The following NLRP7 variants were observed in gnomAD, a reference collection of about 807,000 sequenced individuals.
The protein encoded by NLRP7 is NLR family pyrin domain containing 7.
Under a neutral mutation model 85.5 loss-of-function variants are expected in NLRP7, and 72 were observed. The ratio of observed to expected loss-of-function variants is 0.84; its 90% CI spans 0.70 to 1.02. NLRP7 has a LOEUF of 1.02. NLRP7 is among the 50% of genes least tolerant of loss of function. NLRP7 has a pLI of 0.00. For missense variants in NLRP7, 1,243 were observed against 1,219.5 expected (o/e 1.02, Z -0.29); for synonymous variants, 550 against 505.2 (o/e 1.09, Z -1.19).
In NLRP7 at chr19:54,941,364, A is replaced by G. The variant is rs371146594; in HGVS notation, c.277+71T>C. The G allele has an allele frequency of 2.9e-4, 329 of 1,138,690 alleles. 2 individuals carry two copies. In the East Asian group the frequency reaches 6.6e-3, roughly 23 times the overall value. 70.5% of individuals were successfully genotyped at this position (1,138,690 alleles called of 1,614,324 possible). A position where few individuals can be genotyped will look rare whatever the true frequency, so the allele number is the denominator to read the frequency against. Reference sequence around the variant, plus strand: ...AGCCTTACACTCCAGCCTGGGCGACAGAACGAGACTCCATCTCAAAAAAAA... The same window carrying G: ...AGCCTTACACTCCAGCCTGGGCGACGGAACGAGACTCCATCTCAAAAAAAA... On this transcript the variant is annotated intron_variant, in intron 2 of 9. Coordinates refer to ENST00000340844, the Ensembl canonical transcript of NLRP7.
intron 1 of NLRP7, among the ~76,000 whole-genome samples, chr19:54,952,964 C>A (rs945443753): frequency 2.6e-5 from 4 of 151,992 alleles, no homozygotes; most frequent in African/African-American, 9.7e-5. Flanking sequence ...GGTGAAACCC[C>A]GTCTCTACTG....
At chr19:54,945,238 CAA>C (rs75770706) in intron 1 of NLRP7, among the ~76,000 whole-genome samples, 11 of 69,680 alleles carry the variant, frequency 1.6e-4, no homozygotes, top group Admixed American at 3.6e-4. Context: ...GACTCCCTCT[CAA>C]AAAAAAAAAA....
chr19:54,940,884 A>G, intron 3 of NLRP7, 47 bp downstream of exon 3: 1 of 1,133,692 alleles, frequency 8.8e-7, no homozygotes, highest in Non-Finnish European at 1.3e-6. Context: ...TGCACCTTGC[A>G]TGCTCTCAAA....
chr19:54,936,259 A>C lies in NLRP7; in HGVS notation c.2300+2T>G. On this transcript the variant is annotated splice_donor_variant, in intron 6 of 9. Transcript: ENST00000340844. LOFTEE classifies it high-confidence loss of function. ...GGGGAGAGCCGTGACCGTGAGACCCACCTCAGGTACTGCAGGTTGCATTTA... is the reference window on the plus strand; with the variant it reads ...GGGGAGAGCCGTGACCGTGAGACCCCCCTCAGGTACTGCAGGTTGCATTTA... 1 of 1,612,524 alleles carries C rather than the reference A, an allele frequency of 6.2e-7. No individual in the cohort carries two copies. Among genetic ancestry groups the C allele is most frequent in the Non-Finnish European group, 8.5e-7 (1 of 1,179,674 alleles).
At chr19:54,930,395 G>A (rs943791243) in intron 9 of NLRP7, 104 bp downstream of exon 9, 22 of 790,100 alleles carry the variant, frequency 2.8e-5, no homozygotes, top group South Asian at 1.3e-4. Flanking sequence ...CTGGAAGACC[G>A]AAGCCGCAGT....
chr19:54,923,836 C>T, exon 10 of NLRP7: 3 of 1,614,050 alleles, frequency 1.9e-6, no homozygotes, highest in Non-Finnish European at 1.7e-6. Flanking sequence ...CCTCCAACAG[C>T]TTCTTGATTT....
At chr19:54,929,972 A>G (rs269944) in intron 9 of NLRP7, among the ~76,000 whole-genome samples, 83,109 of 150,444 alleles carry the variant, frequency 0.55, 23,230 homozygotes, top group East Asian at 0.71. Flanking sequence ...AAAATTAGCC[A>G]GGCACGGTGG....
intron 2 of NLRP7, 77 bp downstream of exon 2, chr19:54,941,358 G>T: frequency 9.3e-7 from 1 of 1,074,080 alleles, no homozygotes; most frequent in Non-Finnish European, 1.4e-6. Flanking sequence ...CTCCAGCCTG[G>T]GCGACAGAAC....
intron 9 of NLRP7, among the ~76,000 whole-genome samples, chr19:54,926,993 G>A (rs1286308806): frequency 6.6e-6 from 1 of 151,854 alleles, no homozygotes; most frequent in Non-Finnish European, 1.5e-5. Flanking sequence ...AGGAGGTTGA[G>A]GCAGGAAAAT....
At chr19:54,931,685 CAAA>C (rs67176965) in intron 8 of NLRP7, among the ~76,000 whole-genome samples, 34 of 129,768 alleles carry the variant, frequency 2.6e-4, no homozygotes, top group East Asian at 6.6e-4. Flanking sequence ...AACTCCATCT[CAAA>C]AAAAAAAAAA....
intron 5 of NLRP7, among the ~76,000 whole-genome samples, chr19:54,937,557 T>G (rs1386433268): frequency 6.6e-6 from 1 of 150,526 alleles, no homozygotes; most frequent in African/African-American, 2.5e-5. Context: ...GTCATTGCAC[T>G]CCAGCGCCTA....
At chr19:54,950,163 C>T (rs1272024735), upstream of NLRP7, among the ~76,000 whole-genome samples, 3 of 151,854 alleles carry the variant, frequency 2.0e-5, no homozygotes, top group Non-Finnish European at 2.9e-5. Context: ...CGGGTGCATT[C>T]GTGTGCCAGG....
Position 54,934,848 on chromosome 19 carries a change from T to G in NLRP7, c.2301-189A>C, listed in dbSNP as rs1320437647. On this transcript the variant is annotated intron_variant, in intron 6 of 9. Transcript: ENST00000340844. This position sits in a 1 kb window ranked among gnomAD's most constrained non-coding sequence, Gnocchi z 6.7. ...CCTCAGCCTCCGAAGTAGCTGGGAT[T>G]ACAGGCATTCGCCAATTTTTGTATT... Among the ~76,000 whole-genome samples, 1 of 152,078 alleles carries G rather than the reference T, an allele frequency of 6.6e-6. No homozygotes were observed. The highest frequency in any genetic ancestry group is 1.5e-5 in the Non-Finnish European group (1 of 68,004).
At chr19:54,927,731 C>A in intron 9 of NLRP7, 1 of 1,614,050 alleles carries the variant, frequency 6.2e-7, no homozygotes, top group Non-Finnish European at 8.5e-7. Flanking sequence ...GAGAGCAGAT[C>A]CAAGATGCTG....
chr19:54,944,111 G>A (rs1463884414), intron 1 of NLRP7, among the ~76,000 whole-genome samples: 1 of 152,116 alleles, frequency 6.6e-6, no homozygotes, highest in Non-Finnish European at 1.5e-5. Flanking sequence ...CTCGTGGGAA[G>A]GGAAAGACCA....
intron 1 of NLRP7, among the ~76,000 whole-genome samples, chr19:54,964,443 C>G (rs1166684630): frequency 6.6e-6 from 1 of 151,338 alleles, no homozygotes; most frequent in Non-Finnish European, 1.5e-5. Flanking sequence ...GTCTCGATCT[C>G]CTGACCTCGT....
At chr19:54,939,163 T>C (rs2069084640) in exon 4 of NLRP7, 1 of 1,614,242 alleles carries the variant, frequency 6.2e-7, no homozygotes, top group Non-Finnish European at 8.5e-7. Context: ...GTGCTTTGCA[T>C]TGCAGCAATT....
chr19:54,925,857 G>A (rs269924), intron 9 of NLRP7, among the ~76,000 whole-genome samples: 83,781 of 151,130 alleles, frequency 0.55, 23,427 homozygotes, highest in East Asian at 0.72. Context: ...AAAATTAGCC[G>A]GGCGTGGTGG....
At chr19:54,936,028 G>A (rs1040699402) in intron 6 of NLRP7, among the ~76,000 whole-genome samples, 1 of 152,138 alleles carries the variant, frequency 6.6e-6, no homozygotes, top group African/African-American at 2.4e-5. Flanking sequence ...CCCTAAAGCT[G>A]GAACCCAGCA....
Sources: gnomAD v4.1 joint callset for allele counts (sites outside exome capture counted in the v4.1 genomes callset) on GRCh38, gnomAD v4.1.1 for gene constraint, Gnocchi (gnomAD v3.1) non-coding constraint, MANE v1.5 for transcripts, NCBI Gene and HGNC (gene_info 2026-07-23, HGNC 2026-07-21) for gene names.